Variants in POLR3F observed in about 807,000 individuals in gnomAD.
POLR3F encodes the protein RNA polymerase III subunit F.
POLR3F carries 31 observed loss-of-function variants against 43.6 expected under a neutral mutation model. The ratio of observed to expected loss-of-function variants is 0.71; its 90% CI spans 0.53 to 0.96. The LOEUF (loss-of-function observed/expected upper bound fraction) is 0.96, where lower values mean the gene tolerates loss of function less well. Ranked by LOEUF, POLR3F falls within the 40% of genes least tolerant of loss-of-function variation. The pLI, the probability that POLR3F is intolerant of heterozygous loss-of-function variation, is 0.00. For synonymous variants in POLR3F, 114 were observed against 132.5 expected (o/e 0.86, Z 0.96); for missense variants, 316 against 391.7 (o/e 0.81, Z 1.63).
At chr20:18,474,945 G>C in intron 4 of POLR3F, 130 bp from the exon 5 acceptor site, 1 of 511,716 alleles carries the variant, frequency 2.0e-6, no homozygotes, top group South Asian at 2.7e-5. Context: ...GCATACTTTT[G>C]CTACTTTAGC....
intron 2 of POLR3F, among the ~76,000 whole-genome samples, chr20:18,472,298 C>T (rs1033122454): frequency 3.3e-5 from 5 of 152,134 alleles, no homozygotes; most frequent in African/African-American, 1.2e-4. Flanking sequence ...GCGATCTCAG[C>T]TCAGCCTTCC....
intron 5 of POLR3F, among the ~76,000 whole-genome samples, chr20:18,478,128 T>C (rs1351013817): frequency 1.3e-5 from 2 of 152,176 alleles, no homozygotes; most frequent in Non-Finnish European, 2.9e-5. Context: ...TCTAAGGGAT[T>C]CACCATGAAT....
intron 5 of POLR3F, among the ~76,000 whole-genome samples, chr20:18,479,687 G>A (rs533528359): frequency 6.6e-6 from 1 of 152,272 alleles, no homozygotes; most frequent in Admixed American, 6.5e-5. Context: ...TAGAAATACG[G>A]TGTTTGAGAA....
intron 5 of POLR3F, among the ~76,000 whole-genome samples, chr20:18,475,563 T>C (rs2059775437): frequency 6.6e-6 from 1 of 152,208 alleles, no homozygotes; most frequent in Admixed American, 6.5e-5. Flanking sequence ...GAACAAGTCG[T>C]AGAAAGATCC....
chr20:18,468,826 A>G, intron 1 of POLR3F, 118 bp from the exon 2 acceptor site: 1 of 650,720 alleles, frequency 1.5e-6, no homozygotes, highest in South Asian at 1.9e-5. Flanking sequence ...ACAGAAACCC[A>G]GATTGTCTGC....
rs1169071628 is a variant in POLR3F, at chr20:18,481,746, A to AC, written c.810dup (p.Arg271GlnfsTer24). On this transcript the variant is annotated frameshift_variant, in exon 8 of 9. Coordinates refer to ENST00000377603, the MANE Select transcript of POLR3F (RefSeq NM_006466.4). LOFTEE classifies it high-confidence loss of function. ...AGTGTAGATGGACACATGAAACTGT[A>AC]CAGGGCAGTCAATCCAATCATCCCT... is the stretch of plus-strand genomic sequence containing the variant. 4 of 1,613,160 alleles carry AC rather than the reference A, an allele frequency of 2.5e-6. No individual in the cohort carries two copies. The highest frequency in any genetic ancestry group is 3.3e-5 in the Admixed American group (2 of 59,998).
chr20:18,468,932 C>A lies in POLR3F; in HGVS notation c.63-12C>A, dbSNP rs112696932. 18 of 1,228,426 alleles carry A rather than the reference C, an allele frequency of 1.5e-5. No individual in the cohort carries two copies. Among genetic ancestry groups the A allele is most frequent in the South Asian group, 2.4e-5 (2 of 83,180 alleles). 76.1% of individuals were successfully genotyped at this position (1,228,426 alleles called of 1,614,324 possible). On this transcript the variant is annotated splice_polypyrimidine_tract_variant and intron_variant, in intron 1 of 8. Coordinates refer to ENST00000377603, the MANE Select transcript of POLR3F (RefSeq NM_006466.4). ...TAACCATGAAGGATAACATTAATAC[C>A]TTTGTTTCTAGGATTATAGAATTAT...
intron 2 of POLR3F, chr20:18,469,373 A>G (rs2059735331): frequency 4.1e-6 from 1 of 241,268 alleles, no homozygotes; most frequent in South Asian, 6.0e-5. Context: ...GAGCTGGGCT[A>G]TGAATCTTGT....
Position 18,480,176 on chromosome 20 carries a change from T to C in POLR3F, c.568T>C (p.Ser190Pro). Reference protein sequence around the residue: ...LNQQCFKFLQSKAETARESKQ... With the variant: ...LNQQCFKFLQPKAETARESKQ... ...CCAACAGTGTTTTAAATTCCTACAG[T>C]CCAAGGTGAGGTATGATTGAGGAAA... The change falls in exon 6 of 9, where the codon TCC (serine) becomes CCC (proline). Residue 190 changes from serine to proline, a missense_variant. Physicochemically the swap from Ser to Pro is moderately conservative, Grantham distance 74 (BLOSUM62 -1). Transcript: ENST00000377603. The C allele has an allele frequency of 1.2e-6, 2 of 1,611,328 alleles. No homozygotes were observed. The highest frequency in any genetic ancestry group is 1.7e-6 in the Non-Finnish European group (2 of 1,178,284).
chr20:18,475,493 T>C (rs1369196774), intron 5 of POLR3F, among the ~76,000 whole-genome samples: 1 of 152,262 alleles, frequency 6.6e-6, no homozygotes, highest in African/African-American at 2.4e-5. Context: ...AGCTTTCTCA[T>C]TCAACAAAGA....
intron 8 of POLR3F, among the ~76,000 whole-genome samples, chr20:18,483,043 G>A (rs1281170827): frequency 2.0e-5 from 3 of 151,956 alleles, no homozygotes; most frequent in African/African-American, 7.3e-5. Context: ...CACAAAGCAG[G>A]CCCTATTATA....
rs78209178 is a variant in POLR3F, at chr20:18,471,306, G to A, written c.181-1536G>A. On this transcript the variant is annotated intron_variant, in intron 2 of 8. Coordinates refer to ENST00000377603, the MANE Select transcript of POLR3F (RefSeq NM_006466.4). ...AAGGTTCTTCTTATTCTTTACAGAT[G>A]ACTAACGCATTAGGACTCAACTCTG... is the stretch of plus-strand genomic sequence containing the variant. Among the ~76,000 whole-genome samples, 473 of 152,268 alleles carry A rather than the reference G, an allele frequency of 3.1e-3. 20 individuals are homozygous for A. In the East Asian group the frequency reaches 0.072, roughly 23 times the overall value.
At chr20:18,480,301 TTAAC>T in intron 6 of POLR3F, 97 bp from the exon 7 acceptor site, 1 of 1,233,456 alleles carries the variant, frequency 8.1e-7, no homozygotes, top group South Asian at 1.3e-5. Flanking sequence ...GAATTTTTAC[TTAAC>T]TAAATATGTT....
chr20:18,467,659 C>T (rs1222564909), intron 1 of POLR3F, 91 bp downstream of exon 1: 2 of 1,592,162 alleles, frequency 1.3e-6, no homozygotes, highest in African/African-American at 2.7e-5. Flanking sequence ...TGGGAGTGGC[C>T]GGAGCGGGTT....
chr20:18,475,202 C>G lies in POLR3F; in HGVS notation c.429+15C>G. ...AGTCTGTAGCAGTGAGTAGTCCTTT[C>G]CTCAGATACCCACTTACATATGTTG... On this transcript the variant is annotated intron_variant, in intron 5 of 8. Coordinates refer to ENST00000377603, the MANE Select transcript of POLR3F (RefSeq NM_006466.4). 1.1e-6 allele frequency: 1 copy of G among 890,592 alleles called. No individual in the cohort carries two copies. Among genetic ancestry groups the G allele is most frequent in the East Asian group, 2.4e-5 (1 of 41,188 alleles). The allele number at this position is 890,592 out of a possible 1,614,324, so 55.2% of individuals were successfully genotyped here. A position where few individuals can be genotyped will look rare whatever the true frequency, so the allele number is the denominator to read the frequency against.
intron 7 of POLR3F, 76 bp downstream of exon 7, chr20:18,480,585 C>A: frequency 1.2e-6 from 1 of 804,962 alleles, no homozygotes; most frequent in Non-Finnish European, 1.9e-6. Context: ...ATGTATTTGA[C>A]CCACATTGTT....
chr20:18,479,238 G>A (rs914640444), intron 5 of POLR3F, among the ~76,000 whole-genome samples: 17 of 152,314 alleles, frequency 1.1e-4, no homozygotes, highest in African/African-American at 3.6e-4. Context: ...GCTCATGCCT[G>A]TAATCCCAGC....
rs747291779 is a variant in POLR3F, at chr20:18,480,395, C to T, written c.574-7C>T. On this transcript the variant is annotated splice_polypyrimidine_tract_variant and splice_region_variant and intron_variant, in intron 6 of 8. Coordinates refer to ENST00000377603, the MANE Select transcript of POLR3F (RefSeq NM_006466.4). The stretch of plus-strand genomic sequence containing the variant: ...TATTTACATTTCTTATGTTTCAATC[C>T]TTATAGGCAGAAACAGCACGAGAAA... The T allele has an allele frequency of 5.1e-6, 8 of 1,572,124 alleles. No individual in the cohort carries two copies. The African/African-American group carries it at 9.4e-5, about 19-fold the overall frequency.
At chr20:18,480,564 G>A in intron 7 of POLR3F, 55 bp downstream of exon 7, 2 of 1,003,504 alleles carry the variant, frequency 2.0e-6, no homozygotes, top group Non-Finnish European at 3.1e-6. Context: ...CACATACAAT[G>A]TATTCCAAAC....
Sources: gnomAD v4.1 joint callset for allele counts (sites outside exome capture counted in the v4.1 genomes callset) on GRCh38, gnomAD v4.1.1 for gene constraint, MANE v1.5 for transcripts, NCBI Gene and HGNC (gene_info 2026-07-23, HGNC 2026-07-21) for gene names.